Variants in PPM1E observed in about 807,000 individuals in gnomAD.
PPM1E encodes the protein protein phosphatase, Mg2+/Mn2+ dependent 1E.
Under a neutral mutation model 65.9 loss-of-function variants are expected in PPM1E, and 20 were observed. That is an observed-to-expected ratio of 0.30 (90% CI 0.21 to 0.44). The LOEUF (loss-of-function observed/expected upper bound fraction) is 0.44, where lower values mean the gene tolerates loss of function less well. PPM1E is among the 20% of genes least tolerant of loss of function. The pLI is 1.00. For synonymous variants in PPM1E, 352 were observed against 374.9 expected (o/e 0.94, Z 0.70); for missense variants, 713 against 953.1 (o/e 0.75, Z 3.32).
intron 1 of PPM1E, among the ~76,000 whole-genome samples, chr17:58,909,690 G>T (rs1410069463): frequency 4.6e-5 from 7 of 152,074 alleles, no homozygotes; most frequent in Non-Finnish European, 1.0e-4. Context: ...TTGCTCCTCT[G>T]TAAGTAAGGT....
chr17:58,862,359 A>C (rs1402248979), intron 1 of PPM1E, among the ~76,000 whole-genome samples: 1 of 152,210 alleles, frequency 6.6e-6, no homozygotes, highest in Non-Finnish European at 1.5e-5. Context: ...AAAATAGGTT[A>C]GATTTTATAT....
intron 1 of PPM1E, among the ~76,000 whole-genome samples, chr17:58,853,136 G>A (rs1380520311): frequency 6.6e-6 from 1 of 152,064 alleles, no homozygotes; most frequent in Non-Finnish European, 1.5e-5. Context: ...TGTTGTTGTT[G>A]CCTGTATCTT....
chr17:58,977,733 G>A (rs965565031), intron 6 of PPM1E, among the ~76,000 whole-genome samples: 4 of 152,138 alleles, frequency 2.6e-5, no homozygotes, highest in African/African-American at 9.7e-5. Context: ...AAACAGGGAT[G>A]TTAAATGTTG....
At chr17:58,813,637 T>A (rs1230449883) in intron 1 of PPM1E, among the ~76,000 whole-genome samples, 2 of 152,168 alleles carry the variant, frequency 1.3e-5, no homozygotes, top group Non-Finnish European at 2.9e-5. Context: ...GGTTTAAAGA[T>A]TAAATGGGGG....
intron 1 of PPM1E, among the ~76,000 whole-genome samples, chr17:58,947,658 C>G (rs1179573111): frequency 1.3e-5 from 2 of 151,050 alleles, no homozygotes; most frequent in Admixed American, 1.3e-4. Context: ...TCTCTTTAGT[C>G]TTCATAGGTC....
At chr17:58,772,568 T>G (rs2049950799) in intron 1 of PPM1E, among the ~76,000 whole-genome samples, 1 of 152,022 alleles carries the variant, frequency 6.6e-6, no homozygotes, top group African/African-American at 2.4e-5. Flanking sequence ...TTTAGAAGAC[T>G]CAATAAGAAT....
At position 58,961,315 on chromosome 17, in the gene PPM1E, A is replaced by G. The variant is rs1008901486; in HGVS notation, c.584-4379A>G. Among the ~76,000 whole-genome samples, 14 of 152,340 alleles carry G rather than the reference A, an allele frequency of 9.2e-5. 1 individual carries two copies. The highest frequency in any genetic ancestry group is 8.5e-4 in the Admixed American group (13 of 15,298). ...ACAAGCATCTAATGTAGACCCTGCT[A>G]TCTGCTAGGTACTATACTATGGCTT... On this transcript the variant is annotated intron_variant, in intron 2 of 6. Coordinates refer to ENST00000308249, the MANE Select transcript of PPM1E (RefSeq NM_014906.5).
chr17:58,886,703 T>C (rs1460089335), intron 1 of PPM1E, among the ~76,000 whole-genome samples: 1 of 152,248 alleles, frequency 6.6e-6, no homozygotes, highest in African/African-American at 2.4e-5. Flanking sequence ...AGTGGAATAC[T>C]ACTAAGCAAT....
intron 1 of PPM1E, among the ~76,000 whole-genome samples, chr17:58,897,577 T>G (rs2051438286): frequency 6.6e-6 from 1 of 152,148 alleles, no homozygotes; most frequent in Non-Finnish European, 1.5e-5. Flanking sequence ...ATTTTGACAT[T>G]TAAGTCATGT....
At chr17:58,874,081 A>G (rs2051103423) in intron 1 of PPM1E, among the ~76,000 whole-genome samples, 1 of 152,160 alleles carries the variant, frequency 6.6e-6, no homozygotes. Flanking sequence ...AAATACGTTA[A>G]GGTATGATCT....
chr17:58,839,307 G>A (rs1425716700), intron 1 of PPM1E, among the ~76,000 whole-genome samples: 1 of 151,864 alleles, frequency 6.6e-6, no homozygotes, highest in Admixed American at 6.6e-5. Context: ...CAGCAACATG[G>A]CAAGACCTTG....
intron 1 of PPM1E, among the ~76,000 whole-genome samples, chr17:58,900,446 C>T (rs1461413447): frequency 6.6e-6 from 1 of 152,174 alleles, no homozygotes; most frequent in Non-Finnish European, 1.5e-5. Context: ...TCTGAAGGCT[C>T]AGATGATTGT....
chr17:58,784,765 C>T lies in PPM1E; in HGVS notation c.464+28304C>T, dbSNP rs894706228. 4.6e-5 allele frequency among the ~76,000 whole-genome samples: 7 copies of T among 151,472 alleles called. 1 individual carries two copies. The South Asian group carries it at 8.4e-4, about 18-fold the overall frequency. ...GTCTCTATCTCCTGACCTCGTGATC[C>T]GCCTGCCTCAGCCTCCCAAAGTGCT... On this transcript the variant is annotated intron_variant, in intron 1 of 6. Transcript: ENST00000308249.
intron 1 of PPM1E, among the ~76,000 whole-genome samples, chr17:58,908,605 A>T (rs1233428579): frequency 6.6e-6 from 1 of 151,206 alleles, no homozygotes; most frequent in Non-Finnish European, 1.5e-5. Flanking sequence ...ATGCCCAGCT[A>T]ATTTTTGTAT....
Position 58,756,046 on chromosome 17 carries a change from C to T in PPM1E, c.49C>T (p.Leu17=). Residue 17 remains leucine (L), a synonymous_variant, in exon 1 of 7, where the codon CTA becomes TTA. Coordinates refer to ENST00000308249, the MANE Select transcript of PPM1E (RefSeq NM_014906.5). ...GAAAACTTACCGGCGCTTCCTGGAG[C>T]TATTCCTGGGCGAGTTTCGCGGACC... ...EEKTYRRFLE[L]FLGEFRGPCG... 1 of 1,614,044 alleles carries T rather than the reference C, an allele frequency of 6.2e-7. No homozygotes were observed. The highest frequency in any genetic ancestry group is 8.5e-7 in the Non-Finnish European group (1 of 1,179,936).
chr17:58,855,222 T>TC (rs2050869363), intron 1 of PPM1E, among the ~76,000 whole-genome samples: 1 of 152,180 alleles, frequency 6.6e-6, no homozygotes, highest in Non-Finnish European at 1.5e-5. Context: ...TAACAAGGTC[T>TC]CCCCTAAGGA....
At chr17:58,880,945 A>G (rs1390232349) in intron 1 of PPM1E, among the ~76,000 whole-genome samples, 1 of 152,172 alleles carries the variant, frequency 6.6e-6, no homozygotes, top group Non-Finnish European at 1.5e-5. Flanking sequence ...TATAAACAAC[A>G]TGCAATATTC....
At chr17:58,955,105 C>T (rs1038741828) in intron 1 of PPM1E, among the ~76,000 whole-genome samples, 1 of 152,116 alleles carries the variant, frequency 6.6e-6, no homozygotes, top group Non-Finnish European at 1.5e-5. Flanking sequence ...TGGCTCATGC[C>T]TGTAATCCCA....
intron 1 of PPM1E, among the ~76,000 whole-genome samples, chr17:58,845,832 C>T (rs1421952292): frequency 6.6e-6 from 1 of 152,180 alleles, no homozygotes; most frequent in Non-Finnish European, 1.5e-5. Context: ...AGGCGTGCGC[C>T]ATCACACCCA....
Sources: allele counts gnomAD v4.1 joint callset (sites outside exome capture counted in the v4.1 genomes callset), GRCh38; gene constraint gnomAD v4.1.1; transcripts MANE v1.5; gene names NCBI Gene and HGNC (gene_info 2026-07-23, HGNC 2026-07-21).